The following DNM2 variants were observed in gnomAD, a reference collection of about 807,000 sequenced individuals.
The protein encoded by DNM2 is dynamin-2.
In DNM2, 15 loss-of-function variants were observed where a neutral mutation model predicts 99.0. The observed-to-expected ratio is 0.15, with a 90% confidence interval of 0.10 to 0.23. DNM2 has a LOEUF of 0.23. DNM2 is among the 10% of genes least tolerant of loss of function. DNM2 has a pLI of 1.00. For synonymous variants in DNM2, 525 were observed against 481.2 expected, an observed-to-expected ratio of 1.09 and a Z score of -1.19; for missense variants, 742 against 1,189.4, an observed-to-expected ratio of 0.62 and a Z score of 5.53.
At position 10,775,399 on chromosome 19, in the gene DNM2, A is replaced by G. The variant is rs1001524037; in HGVS notation, c.386-304A>G. Reference sequence around the variant, plus strand: ...ACCCAGCCTCATCTGTTTGTCTGTAATGGTTCTTTGGTATTGGCTGAATGG... The same window carrying G: ...ACCCAGCCTCATCTGTTTGTCTGTAGTGGTTCTTTGGTATTGGCTGAATGG... On this transcript the variant is annotated intron_variant, in intron 3 of 20. Transcript: ENST00000389253. The surrounding 1 kb of genome is among the most constrained non-coding windows in gnomAD (Gnocchi z 4.3). Among the ~76,000 whole-genome samples the G allele has an allele frequency of 6.6e-6, 1 of 152,146 alleles. No homozygotes were observed. The highest frequency in any genetic ancestry group is 2.4e-5 in the African/African-American group (1 of 41,438).
chr19:10,810,765 G>GTC (rs896945824), intron 14 of DNM2: 1 of 152,336 alleles, frequency 6.6e-6, no homozygotes, highest in African/African-American at 2.4e-5. Flanking sequence ...TTGTCATTCA[G>GTC]TCATGGAACC....
intron 6 of DNM2, among the ~76,000 whole-genome samples, chr19:10,786,256 G>A (rs539380297): frequency 3.2e-4 from 49 of 152,312 alleles, no homozygotes; most frequent in Admixed American, 2.7e-3. Flanking sequence ...CCCCGTTTCC[G>A]TGGTCTGGAT....
intron 2 of DNM2, among the ~76,000 whole-genome samples, chr19:10,771,474 CAG>C (rs962912007): frequency 7.2e-5 from 11 of 152,186 alleles, no homozygotes; most frequent in African/African-American, 2.2e-4. Context: ...CTTGAATAGT[CAG>C]GGGGAGAAAG....
intron 4 of DNM2, among the ~76,000 whole-genome samples, chr19:10,776,675 T>A (rs2071166150): frequency 6.6e-6 from 1 of 152,208 alleles, no homozygotes; most frequent in Admixed American, 6.5e-5. Flanking sequence ...GATGGGATGG[T>A]TTCCAGAGTG....
chr19:10,809,281 T>G (rs927603606), intron 14 of DNM2: 1 of 152,326 alleles, frequency 6.6e-6, no homozygotes, highest in African/African-American at 2.4e-5. Context: ...ATGCTGCCTC[T>G]TGTCCTCCAG....
Position 10,812,329 on chromosome 19 carries a change from C to T in DNM2, c.1623C>T (p.Tyr541=). 6.2e-7 allele frequency: 1 copy of T among 1,611,190 alleles called. No individual in the cohort carries two copies. Among genetic ancestry groups the T allele is most frequent in the Non-Finnish European group, 8.5e-7 (1 of 1,178,472 alleles). ...TGATGAAAGGCGGCTCCAAGGAGTA[C>T]TGGTTTGTGCTGACTGCCGAGTCAC... ...ISLMKGGSKE[Y]WFVLTAESLS... Residue 541 remains tyrosine (Y), a synonymous_variant, in exon 15 of 21, where the codon TAC becomes TAT. Transcript: ENST00000389253. This position sits in a 1 kb window ranked among gnomAD's most constrained non-coding sequence, Gnocchi z 4.0.
chr19:10,810,460 G>A (rs2072501898), intron 14 of DNM2: 2 of 152,418 alleles, frequency 1.3e-5, no homozygotes, highest in African/African-American at 4.8e-5. Flanking sequence ...CCCGTGTGGA[G>A]AAGGGCACCT....
chr19:10,732,599 CA>C (rs562527025), intron 1 of DNM2, among the ~76,000 whole-genome samples: 3 of 149,398 alleles, frequency 2.0e-5, no homozygotes, highest in East Asian at 2.0e-4. Context: ...GACTCCGTCT[CA>C]AAAAAAAAGG....
Position 10,760,827 on chromosome 19 carries a change from A to ATT in DNM2, c.235+1032_235+1033dup, listed in dbSNP as rs57290103. On this transcript the variant is annotated intron_variant, in intron 2 of 20. Coordinates refer to ENST00000389253, the MANE Select transcript of DNM2 (RefSeq NM_001005361.3). ...GTGCACACACCACCACACCCAGCTG[A>ATT]TTTTTTTTTTTTTTTTTGGTAGAGA... 4.8e-4 allele frequency among the ~76,000 whole-genome samples: 20 copies of ATT among 41,268 alleles called. 5 individuals are homozygous for ATT. The highest frequency in any genetic ancestry group is 9.7e-4 in the Admixed American group (2 of 2,066). 27.1% of individuals were successfully genotyped at this position (41,268 alleles called of 152,430 possible). A position where few individuals can be genotyped will look rare whatever the true frequency, so the allele number is the denominator to read the frequency against.
chr19:10,746,041 C>T (rs2069954465), intron 1 of DNM2, among the ~76,000 whole-genome samples: 2 of 152,200 alleles, frequency 1.3e-5, no homozygotes, highest in South Asian at 4.1e-4. Flanking sequence ...TCACTGCAAC[C>T]TCTGCCTCCC....
In DNM2 at chr19:10,786,674, C is replaced by T. The variant is rs774137901; in HGVS notation, c.960C>T (p.Asp320=). ...EVEEYKNFRP[D]DPTRKTKALL... ...AGGAGTACAAGAACTTTCGGCCCGACGACCCCACCCGCAAAACCAAAGCCC... is the reference window on the plus strand; with the variant it reads ...AGGAGTACAAGAACTTTCGGCCCGATGACCCCACCCGCAAAACCAAAGCCC... Residue 320 remains aspartate (D), a synonymous_variant, in exon 7 of 21, where the codon GAC becomes GAT. Transcript: ENST00000389253. 29 of 1,614,022 alleles carry T rather than the reference C, an allele frequency of 1.8e-5. No homozygotes were observed. The highest frequency in any genetic ancestry group is 2.2e-5 in the Non-Finnish European group (26 of 1,180,022).
At chr19:10,794,379 G>GTGTGT (rs1555710274) in intron 8 of DNM2, among the ~76,000 whole-genome samples, 1 of 150,908 alleles carries the variant, frequency 6.6e-6, no homozygotes. Flanking sequence ...GTGTGTGTGT[G>GTGTGT]ATTTGCTTGA....
At position 10,806,809 on chromosome 19, in the gene DNM2, A is replaced by G. The variant is rs541648040; in HGVS notation, c.1545+842A>G. Among the ~76,000 whole-genome samples, 5 of 152,190 alleles carry G rather than the reference A, an allele frequency of 3.3e-5. No homozygotes were observed. In the East Asian group the frequency reaches 7.7e-4, roughly 24 times the overall value. ...CTCTGTCTCCAAAAATAATAATAATAAAGATATAAATAAGAATTTTTCCCT... is the reference window on the plus strand; with the variant it reads ...CTCTGTCTCCAAAAATAATAATAATGAAGATATAAATAAGAATTTTTCCCT... On this transcript the variant is annotated intron_variant, in intron 13 of 20. Coordinates refer to ENST00000389253, the MANE Select transcript of DNM2 (RefSeq NM_001005361.3).
chr19:10,754,690 A>C (rs922620057), intron 1 of DNM2, among the ~76,000 whole-genome samples: 1 of 152,020 alleles, frequency 6.6e-6, no homozygotes, highest in African/African-American at 2.4e-5. Context: ...CCTGGGCTCA[A>C]GTAATCCTCC....
At chr19:10,729,362 A>G (rs1352601959) in intron 1 of DNM2, among the ~76,000 whole-genome samples, 1 of 152,028 alleles carries the variant, frequency 6.6e-6, no homozygotes, top group African/African-American at 2.4e-5. Flanking sequence ...CTATCTCAAA[A>G]AAAACAAAAA....
intron 1 of DNM2, among the ~76,000 whole-genome samples, chr19:10,754,666 T>C (rs978093303): frequency 1.3e-5 from 2 of 152,082 alleles, no homozygotes; most frequent in African/African-American, 4.8e-5. Context: ...CATGGCTCAC[T>C]GCAGCCTCAG....
intron 19 of DNM2, 56 bp downstream of exon 19, chr19:10,829,324 CCCTGTGTGTCCTGCAGGGTCCTGG>C: frequency 6.3e-7 from 1 of 1,585,704 alleles, no homozygotes; most frequent in Non-Finnish European, 8.6e-7. Flanking sequence ...TTCCTGCCCT[CCCTGTGTGTCCTGCAGGGTCCTGG>C]CAGGAAACAG....
chr19:10,738,323 AG>A (rs1485708350), intron 1 of DNM2, among the ~76,000 whole-genome samples: 37 of 152,344 alleles, frequency 2.4e-4, no homozygotes, highest in Non-Finnish European at 3.2e-4. Context: ...TCAGTATCAA[AG>A]GGCACGAGGT....
chr19:10,755,466 C>CT (rs34019172), intron 1 of DNM2: 83,223 of 142,548 alleles, frequency 0.58, 24,293 homozygotes, highest in Admixed American at 0.61. Context: ...CTGCATTTGT[C>CT]TTTTTTTTTT....
Sources: allele counts gnomAD v4.1 joint callset (sites outside exome capture counted in the v4.1 genomes callset), GRCh38; gene constraint gnomAD v4.1.1; non-coding constraint Gnocchi (gnomAD v3.1); transcripts MANE v1.5; gene names NCBI Gene and HGNC (gene_info 2026-07-23, HGNC 2026-07-21).